Variants in MINK1 observed in about 807,000 individuals in gnomAD.
MINK1 encodes the protein misshapen-like kinase 1.
In MINK1, 46 loss-of-function variants were observed where a neutral mutation model predicts 178.4. That is an observed-to-expected ratio of 0.26 (90% confidence interval 0.20 to 0.33). The LOEUF is 0.33. Ranked by LOEUF, MINK1 falls within the 10% of genes least tolerant of loss-of-function variation. MINK1 has a pLI of 1.00. For synonymous variants in MINK1, 797 were observed against 709.7 expected (o/e 1.12, Z -1.96); for missense variants, 1,366 against 1,814.9 (o/e 0.75, Z 4.49).
chr17:4,863,269 T>A (rs1914461624), intron 1 of MINK1, among the ~76,000 whole-genome samples: 1 of 152,164 alleles, frequency 6.6e-6, no homozygotes, highest in Non-Finnish European at 1.5e-5. Flanking sequence ...TCTCCTTCCA[T>A]GTCTGCTGTG....
chr17:4,844,577 C>CT (rs1430457359), intron 1 of MINK1: 1 of 512,648 alleles, frequency 2.0e-6, no homozygotes, highest in Non-Finnish European at 3.9e-6. Flanking sequence ...TGACCTCAGC[C>CT]TGAGCTGAAC....
At chr17:4,891,200 G>GCACACACACACACACGCACA in intron 15 of MINK1, 76 bp downstream of exon 15, 1 of 1,003,382 alleles carries the variant, frequency 1.0e-6, no homozygotes, top group South Asian at 1.8e-5. Context: ...ACACACGCGC[G>GCACACACACACACACGCACA]CACACACACA....
chr17:4,871,675 C>T (rs1163285811), intron 1 of MINK1, among the ~76,000 whole-genome samples: 1 of 152,142 alleles, frequency 6.6e-6, no homozygotes, highest in African/African-American at 2.4e-5. Context: ...TCTCAGTTTT[C>T]TTGAGTATCT....
At chr17:4,875,710 T>TACAGTGA (rs1967119069) in intron 1 of MINK1, among the ~76,000 whole-genome samples, 1 of 151,430 alleles carries the variant, frequency 6.6e-6, no homozygotes, top group Admixed American at 6.6e-5. Context: ...AGGTGGAGGT[T>TACAGTGA]GCGGTGAGCC....
chr17:4,897,868 C>A lies in MINK1; in HGVS notation c.*581C>A, dbSNP rs7774. 0.37 allele frequency: 55,398 copies of A among 149,182 alleles called. 10,488 individuals carry two copies. Among genetic ancestry groups the A allele is most frequent in the South Asian group, 0.58 (2,675 of 4,616 alleles). The allele number at this position is 149,182 out of a possible 1,614,324, so 9.2% of individuals were successfully genotyped here. ...AACATTCCCCCCATTCCCGACCCCC[C>A]TCTCCTCTTCTAGCCCATGCCCTTC... On this transcript the variant is annotated 3_prime_UTR_variant, in exon 32 of 32. Transcript: ENST00000355280.
At chr17:4,869,945 CG>C (rs1357576121) in intron 1 of MINK1, among the ~76,000 whole-genome samples, 15 of 304 alleles carry the variant, frequency 0.049, no homozygotes, top group South Asian at 0.17. Flanking sequence ...CTTGCTGTGT[CG>C]CCCCAGGCTG....
chr17:4,860,827 C>G, intron 1 of MINK1: 2 of 518,722 alleles, frequency 3.9e-6, no homozygotes, highest in Non-Finnish European at 7.7e-6. Context: ...CCAGTGCGCG[C>G]CACGTGCTGG....
intron 4 of MINK1, among the ~76,000 whole-genome samples, chr17:4,882,094 G>A (rs1238382548): frequency 1.3e-5 from 2 of 152,278 alleles, no homozygotes; most frequent in Admixed American, 6.5e-5. Context: ...AAGGGAGAAA[G>A]GTGACAGGGA....
intron 1 of MINK1, among the ~76,000 whole-genome samples, chr17:4,850,527 C>CCCCCT (rs1491516473): frequency 6.6e-6 from 1 of 151,002 alleles, no homozygotes; most frequent in Admixed American, 6.6e-5. Context: ...TGGCCCCCCC[C>CCCCCT]GCCCTCTACC....
chr17:4,893,123 CAG>C, intron 20 of MINK1, 56 bp downstream of exon 20: 1 of 1,533,708 alleles, frequency 6.5e-7, no homozygotes, highest in Non-Finnish European at 8.8e-7. Flanking sequence ...GGCTTAGCCT[CAG>C]GGTGCTGGGT....
Position 4,887,283 on chromosome 17 carries a change from A to G in MINK1, c.1019+104A>G. 4 of 1,209,588 alleles carry G rather than the reference A, an allele frequency of 3.3e-6. No homozygotes were observed. The highest frequency in any genetic ancestry group is 4.7e-6 in the Non-Finnish European group (4 of 845,500). 74.9% of individuals were successfully genotyped at this position (1,209,588 alleles called of 1,614,324 possible). A position where few individuals can be genotyped will look rare whatever the true frequency, so the allele number is the denominator to read the frequency against. ...CTCTCAGCCTGGGGGTGGTGGGCAC[A>G]GAGAGGTAGAGACTCCTGGAAACCA... is the stretch of plus-strand genomic sequence containing the variant. On this transcript the variant is annotated intron_variant, in intron 11 of 31. Transcript: ENST00000355280. This position sits in a 1 kb window ranked among gnomAD's most constrained non-coding sequence, Gnocchi z 7.6.
chr17:4,886,617 G>T lies in MINK1; in HGVS notation c.940G>T (p.Gly314Cys). ...DHIDRSRKKR[G>C]EKEETEYEYS... ...CATTGACCGATCCCGGAAGAAGCGG[G>T]GTGAGAAAGGTCAGTGGGCAGGCTG... The change falls in exon 10 of 32, where the codon GGT (glycine) becomes TGT (cysteine). Residue 314 changes from glycine to cysteine, a missense_variant. Physicochemically the swap from Gly to Cys is radical, Grantham distance 159 (BLOSUM62 -3). Coordinates refer to ENST00000355280, the MANE Select transcript of MINK1 (RefSeq NM_153827.5). This position sits in a 1 kb window ranked among gnomAD's most constrained non-coding sequence, Gnocchi z 6.1. 1 of 1,590,970 alleles carries T rather than the reference G, an allele frequency of 6.3e-7. No homozygotes were observed. Among genetic ancestry groups the T allele is most frequent in the African/African-American group, 1.3e-5 (1 of 74,542 alleles).
chr17:4,895,059 C>A lies in MINK1; in HGVS notation c.2918-16C>A. ...AAGCTGCAGCCCCTCCTCCCACCTC[C>A]TCCTCCTTCTGGCAGCCCTAGTGGG... On this transcript the variant is annotated splice_polypyrimidine_tract_variant and intron_variant, in intron 24 of 31. Coordinates refer to ENST00000355280, the MANE Select transcript of MINK1 (RefSeq NM_153827.5). The surrounding 1 kb of genome is among the most constrained non-coding windows in gnomAD (Gnocchi z 4.3). 6.2e-7 allele frequency: 1 copy of A among 1,612,694 alleles called. No individual in the cohort carries two copies. The highest frequency in any genetic ancestry group is 8.5e-7 in the Non-Finnish European group (1 of 1,179,512).
chr17:4,850,519 G>GCCCCCGCCC (rs1555529656), intron 1 of MINK1, among the ~76,000 whole-genome samples: 22 of 145,008 alleles, frequency 1.5e-4, no homozygotes, highest in Non-Finnish European at 2.7e-4. Flanking sequence ...CTTCCTGCTG[G>GCCCCCGCCC]CCCCCCCCGC....
intron 1 of MINK1, among the ~76,000 whole-genome samples, chr17:4,871,609 GTTGT>G (rs1462764824): frequency 2.6e-5 from 4 of 151,944 alleles, no homozygotes; most frequent in Non-Finnish European, 5.9e-5. Flanking sequence ...CTACTTTTTG[GTTGT>G]TAATAATCCT....
In MINK1 at chr17:4,873,622, T is replaced by TC. The variant is rs1465928600; in HGVS notation, c.58-4695_58-4694insC. The stretch of plus-strand genomic sequence containing the variant: ...TCGCCACTCTTTTTTCTTTTCTTTT[T>TC]TTTTTTTTTTTTTTGAGAAGGCGTC... On this transcript the variant is annotated intron_variant, in intron 1 of 31. Transcript: ENST00000355280. Among the ~76,000 whole-genome samples the TC allele has an allele frequency of 4.1e-5, 6 of 146,906 alleles. 1 individual carries two copies. The highest frequency in any genetic ancestry group is 6.0e-5 in the Non-Finnish European group (4 of 66,346).
intron 1 of MINK1, among the ~76,000 whole-genome samples, chr17:4,853,598 AG>A (rs1480773966): frequency 6.6e-6 from 1 of 151,994 alleles, no homozygotes; most frequent in Non-Finnish European, 1.5e-5. Context: ...GCTCTGAGCT[AG>A]TCATTCCTGC....
Position 4,885,377 on chromosome 17 carries a change from C to T in MINK1, c.509-106C>T. 6.7e-7 allele frequency: 1 copy of T among 1,490,264 alleles called. No homozygotes were observed. The highest frequency in any genetic ancestry group is 9.2e-7 in the Non-Finnish European group (1 of 1,090,884). 92.3% of individuals were successfully genotyped at this position (1,490,264 alleles called of 1,614,324 possible). On this transcript the variant is annotated intron_variant, in intron 6 of 31. Coordinates refer to ENST00000355280, the MANE Select transcript of MINK1 (RefSeq NM_153827.5). The surrounding 1 kb of genome is among the most constrained non-coding windows in gnomAD (Gnocchi z 5.0). ...GGGTGCTGGGGTGTCTGGGTCGGGC[C>T]AGGACCACAGCTGGCTCAGGCAAGT...
intron 1 of MINK1, among the ~76,000 whole-genome samples, chr17:4,847,902 C>G (rs1010465549): frequency 6.6e-6 from 1 of 151,990 alleles, no homozygotes; most frequent in Admixed American, 6.6e-5. Context: ...AAGGTCTGGG[C>G]CCAGTACAGT....
Sources: gnomAD v4.1 joint callset for allele counts (sites outside exome capture counted in the v4.1 genomes callset) on GRCh38, gnomAD v4.1.1 for gene constraint, Gnocchi (gnomAD v3.1) non-coding constraint, MANE v1.5 for transcripts, NCBI Gene and HGNC (gene_info 2026-07-23, HGNC 2026-07-21) for gene names.